Variants in CREBBP observed in about 807,000 individuals in gnomAD.
CREBBP encodes the protein CREB-binding protein.
CREBBP carries 19 observed loss-of-function variants against 265.0 expected under a neutral mutation model. That is an observed-to-expected ratio of 0.07 (90% confidence interval 0.05 to 0.11). CREBBP has a LOEUF of 0.11. CREBBP is among the 10% of genes least tolerant of loss of function. The pLI is 1.00. For missense variants in CREBBP, 2,525 were observed against 3,219.0 expected (o/e 0.78, Z 5.22); for synonymous variants, 1,457 against 1,223.7 (o/e 1.19, Z -3.98).
intron 16 of CREBBP, among the ~76,000 whole-genome samples, chr16:3,765,449 T>G (rs1022581162): frequency 1.3e-5 from 2 of 152,224 alleles, no homozygotes; most frequent in African/African-American, 4.8e-5. Flanking sequence ...ATTAAAACTT[T>G]CAGGAATGAC....
chr16:3,869,142 G>A (rs555796232), intron 1 of CREBBP, among the ~76,000 whole-genome samples: 25 of 152,218 alleles, frequency 1.6e-4, no homozygotes, highest in African/African-American at 4.8e-4. Context: ...CAGTGCTAAC[G>A]TCACAGCCCC....
In CREBBP at chr16:3,817,817, G is replaced by A. The variant is rs922155231; in HGVS notation, c.799-7038C>T. Among the ~76,000 whole-genome samples the A allele has an allele frequency of 2.0e-5, 3 of 152,194 alleles. No homozygotes were observed. In the East Asian group the frequency reaches 5.8e-4, roughly 29 times the overall value. On this transcript the variant is annotated intron_variant, in intron 2 of 30. Transcript: ENST00000262367. ...GGGCCAGGCAGTCCATGGGGGCAGG[G>A]GAGGGAGCATTTGGGTGGGCACCAG...
chr16:3,740,900 G>A lies in CREBBP; in HGVS notation c.3983-351C>T, dbSNP rs544424888. 5 of 371,032 alleles carry A rather than the reference G, an allele frequency of 1.3e-5. No individual in the cohort carries two copies. In the East Asian group the frequency reaches 3.4e-4, roughly 25 times the overall value. The allele number at this position is 371,032 out of a possible 1,614,324, so 23.0% of individuals were successfully genotyped here. ...CCTGTTGCTTCCCGCTTTCCCTGGAGGGCAGAGATGGCACACCCTCAGTGG... is the reference window on the plus strand; with the variant it reads ...CCTGTTGCTTCCCGCTTTCCCTGGAAGGCAGAGATGGCACACCCTCAGTGG... On this transcript the variant is annotated intron_variant, in intron 23 of 30. Coordinates refer to ENST00000262367, the MANE Select transcript of CREBBP (RefSeq NM_004380.3).
At chr16:3,876,617 C>A (rs1236234053) in intron 1 of CREBBP, among the ~76,000 whole-genome samples, 1 of 152,124 alleles carries the variant, frequency 6.6e-6, no homozygotes, top group African/African-American at 2.4e-5. Flanking sequence ...TGTAAGGGTG[C>A]CAAGTAAAGG....
intron 1 of CREBBP, among the ~76,000 whole-genome samples, chr16:3,853,518 G>A (rs1454497398): frequency 2.6e-5 from 4 of 152,154 alleles, no homozygotes; most frequent in African/African-American, 7.2e-5. Context: ...GCTGAGGCAG[G>A]AGAATGGCGT....
At chr16:3,734,092 T>C (rs1489784317) in intron 28 of CREBBP, among the ~76,000 whole-genome samples, 1 of 152,202 alleles carries the variant, frequency 6.6e-6, no homozygotes, top group Non-Finnish European at 1.5e-5. Context: ...TTTGTCTCCG[T>C]GTTTGCGACA....
chr16:3,785,593 G>A (rs1054629271), intron 5 of CREBBP, among the ~76,000 whole-genome samples: 12 of 152,196 alleles, frequency 7.9e-5, no homozygotes, highest in East Asian at 5.8e-4. Context: ...ATAGCGCAGC[G>A]GCCAGCACAT....
chr16:3,757,173 C>T (rs2052606341), intron 19 of CREBBP, 115 bp downstream of exon 19: 1 of 908,142 alleles, frequency 1.1e-6, no homozygotes, highest in Non-Finnish European at 1.8e-6. Context: ...CACACCCGGC[C>T]TGAAATTGGG....
intron 2 of CREBBP, among the ~76,000 whole-genome samples, chr16:3,830,708 CA>C (rs1335430011): frequency 6.6e-6 from 1 of 152,054 alleles, no homozygotes; most frequent in Non-Finnish European, 1.5e-5. Flanking sequence ...ACAAAAAAAT[CA>C]TAAGGATTTG....
At position 3,850,911 on chromosome 16, in the gene CREBBP, C is replaced by G; in HGVS notation, c.184G>C (p.Asp62His). ...GLLNSGNLVP[D>H]AASKHKQLSE... ...AGTTGTTTATGTTTGGAAGCAGCAT[C>G]TGGAACAAGGTTCCCACTGTTTAAA... The change falls in exon 2 of 31, where the codon GAT becomes CAT. Residue 62 changes from aspartate (D) to histidine (H), a missense_variant. Asp to His is a moderately conservative substitution (Grantham distance 81). Around this residue, in one of 19 missense-constraint regions of CREBBP, gnomAD observed 356 missense variants for 340.4 expected, o/e 1.05. Coordinates refer to ENST00000262367, the MANE Select transcript of CREBBP (RefSeq NM_004380.3). 1 of 1,614,208 alleles carries G rather than the reference C, an allele frequency of 6.2e-7. No individual in the cohort carries two copies. Among genetic ancestry groups the G allele is most frequent in the South Asian group, 1.1e-5 (1 of 91,090 alleles).
chr16:3,878,514 G>A (rs2055450036), intron 1 of CREBBP, among the ~76,000 whole-genome samples: 1 of 152,016 alleles, frequency 6.6e-6, no homozygotes, highest in African/African-American at 2.4e-5. Flanking sequence ...ATTAAACGTC[G>A]CTTATCATAA....
chr16:3,745,290 T>C lies in CREBBP; in HGVS notation c.3901A>G (p.Ile1301Val). Residue 1301 changes from isoleucine to valine, a missense_variant, in exon 22 of 31, where the codon ATT becomes GTT. Around this residue, in one of 19 missense-constraint regions of CREBBP, gnomAD observed 252 missense variants for 452.5 expected, o/e 0.56. Transcript: ENST00000262367. Reference protein sequence around the residue: ...HQICVLHYDIIWPSGFVCDNC... With the variant: ...HQICVLHYDIVWPSGFVCDNC... ...GAAACAACTCACCCTGAAGGCCAAA[T>C]GATGTCATAGTGCAGAACGCAAATC... 6.2e-7 allele frequency: 1 copy of C among 1,613,920 alleles called. No homozygotes were observed. The highest frequency in any genetic ancestry group is 1.1e-5 in the South Asian group (1 of 91,000).
At chr16:3,730,237 ACCAGCC>A (rs1008394701) in intron 30 of CREBBP, among the ~76,000 whole-genome samples, 2 of 152,084 alleles carry the variant, frequency 1.3e-5, no homozygotes, top group Non-Finnish European at 2.9e-5. Context: ...GACAGTAGAC[ACCAGCC>A]CCCTTCCTTC....
At chr16:3,829,264 T>C (rs2054296501) in intron 2 of CREBBP, among the ~76,000 whole-genome samples, 1 of 152,208 alleles carries the variant, frequency 6.6e-6, no homozygotes, top group African/African-American at 2.4e-5. Flanking sequence ...ACTTCCCAAG[T>C]TTCTACAGTG....
intron 2 of CREBBP, among the ~76,000 whole-genome samples, chr16:3,835,181 AC>A (rs1315985423): frequency 6.6e-6 from 1 of 152,094 alleles, no homozygotes; most frequent in African/African-American, 2.4e-5. Flanking sequence ...AAACAAACAA[AC>A]AAAAAAGCTT....
At chr16:3,816,733 C>G (rs1312643612) in intron 2 of CREBBP, among the ~76,000 whole-genome samples, 1 of 152,214 alleles carries the variant, frequency 6.6e-6, no homozygotes, top group Non-Finnish European at 1.5e-5. Context: ...ATAATCTATC[C>G]TGAACCTGTT....
At chr16:3,809,620 A>C (rs1344128629) in intron 3 of CREBBP, among the ~76,000 whole-genome samples, 1 of 152,196 alleles carries the variant, frequency 6.6e-6, no homozygotes, top group Non-Finnish European at 1.5e-5. Context: ...CAAAACTTCT[A>C]AGCACTGTAA....
At chr16:3,852,530 T>C (rs1215179586) in intron 1 of CREBBP, among the ~76,000 whole-genome samples, 1 of 152,094 alleles carries the variant, frequency 6.6e-6, no homozygotes, top group Non-Finnish European at 1.5e-5. Flanking sequence ...CAAAATGAAA[T>C]CAGTGATTTC....
At chr16:3,828,696 C>T (rs1371666536) in intron 2 of CREBBP, among the ~76,000 whole-genome samples, 1 of 152,094 alleles carries the variant, frequency 6.6e-6, no homozygotes, top group Non-Finnish European at 1.5e-5. Flanking sequence ...CAAAATGATG[C>T]AGTCGAAAAA....
Sources: allele counts gnomAD v4.1 joint callset (sites outside exome capture counted in the v4.1 genomes callset), GRCh38; gene constraint gnomAD v4.1.1; regional missense constraint gnomAD v4.1.1; transcripts MANE v1.5; gene names NCBI Gene and HGNC (gene_info 2026-07-23, HGNC 2026-07-21).